Variants in OTUD6B observed in about 807,000 individuals in gnomAD.
OTUD6B encodes OTU deubiquitinase 6B.
OTUD6B carries 41 observed loss-of-function variants against 36.9 expected under a neutral mutation model. The observed-to-expected ratio is 1.11, with a 90% CI of 0.87 to 1.44. OTUD6B has a LOEUF of 1.44. Among genes scored for constraint, OTUD6B ranks in the 40% most tolerant of loss-of-function variants. The probability of loss-of-function intolerance (pLI) is 0.00; values close to 1 mark genes in which losing one functional copy is unlikely to be tolerated. For missense variants in OTUD6B, 356 were observed against 344.8 expected (o/e 1.03, Z -0.26); for synonymous variants, 114 against 114.2 (o/e 1.00, Z 0.01).
chr8:91,082,257 T>A, intron 5 of OTUD6B, among the ~76,000 whole-genome samples: 1 of 152,184 alleles, frequency 6.6e-6, no homozygotes. Context: ...GCTTTCCATA[T>A]TTTTGAAGTA....
Position 91,084,377 on chromosome 8 carries a change from C to T in OTUD6B, c.797+263C>T, listed in dbSNP as rs184891005. Among the ~76,000 whole-genome samples, 291 of 152,114 alleles carry T rather than the reference C, an allele frequency of 1.9e-3. 1 individual carries two copies. The highest frequency in any genetic ancestry group is 6.7e-3 in the African/African-American group (280 of 41,528). Reference sequence around the variant, plus strand: ...TAAAAGTTGAAATACATTCATGTTGCCTGTTTATTCCTTAGATTTATTTTT... The same window carrying T: ...TAAAAGTTGAAATACATTCATGTTGTCTGTTTATTCCTTAGATTTATTTTT... On this transcript the variant is annotated intron_variant, in intron 6 of 6. Coordinates refer to ENST00000404789, the MANE Select transcript of OTUD6B (RefSeq NM_016023.5).
At chr8:91,080,273 C>G (rs1266402702) in intron 4 of OTUD6B, among the ~76,000 whole-genome samples, 3 of 152,082 alleles carry the variant, frequency 2.0e-5, no homozygotes, top group Non-Finnish European at 4.4e-5. Context: ...CCTGATTATA[C>G]AGGAACTACA....
chr8:91,076,789 C>T lies in OTUD6B; in HGVS notation c.316-1567C>T, dbSNP rs1812810631. ...TTTAGTCTTTTATAAAGTAATAGTG[C>T]CATCTTGTGTTTTAAGATATTATGC... On this transcript the variant is annotated intron_variant, in intron 3 of 6. Coordinates refer to ENST00000404789, the MANE Select transcript of OTUD6B (RefSeq NM_016023.5). 7 of 709,234 alleles carry T rather than the reference C, an allele frequency of 9.9e-6. No individual in the cohort carries two copies. In the East Asian group the frequency reaches 1.3e-4, roughly 14 times the overall value. 43.9% of individuals were successfully genotyped at this position (709,234 alleles called of 1,614,324 possible).
chr8:91,073,785 A>G (rs1812748425), intron 2 of OTUD6B, 46 bp from the exon 3 acceptor site: 1 of 1,491,076 alleles, frequency 6.7e-7, no homozygotes, highest in Non-Finnish European at 9.0e-7. Context: ...GATTTTCAGT[A>G]ATTTAATAAG....
chr8:91,073,362 T>C (rs1812733684), intron 2 of OTUD6B, among the ~76,000 whole-genome samples: 1 of 151,934 alleles, frequency 6.6e-6, no homozygotes, highest in African/African-American at 2.4e-5. Flanking sequence ...TGGAAAAGGG[T>C]AGGGTAGGAA....
intron 5 of OTUD6B, among the ~76,000 whole-genome samples, chr8:91,083,292 T>C (rs1024591921): frequency 6.6e-6 from 1 of 152,158 alleles, no homozygotes; most frequent in African/African-American, 2.4e-5. Context: ...TTTTCTCACA[T>C]TGTAATTTAT....
Position 91,073,931 on chromosome 8 carries a change from A to G in OTUD6B, c.315+20A>G, listed in dbSNP as rs773133611. The G allele has an allele frequency of 7.9e-6, 12 of 1,527,726 alleles. No homozygotes were observed. The highest frequency in any genetic ancestry group is 9.8e-6 in the Non-Finnish European group (11 of 1,117,000). 94.6% of individuals were successfully genotyped at this position (1,527,726 alleles called of 1,614,324 possible). On this transcript the variant is annotated intron_variant, in intron 3 of 6. Transcript: ENST00000404789. ...AGACGGGTATGAAAGTCATGTCACC[A>G]AGTATATAAGTTAGTGCTGTGTGTT...
intron 4 of OTUD6B, 40 bp from the exon 5 acceptor site, chr8:91,080,629 A>G: frequency 6.4e-7 from 1 of 1,553,734 alleles, no homozygotes; most frequent in Non-Finnish European, 8.7e-7. Flanking sequence ...CATGAGTTAC[A>G]AAAATTATTA....
rs1258676070 is a variant in OTUD6B, at chr8:91,071,277, T to A, written c.222T>A (p.Thr74=). 6.2e-7 allele frequency: 1 copy of A among 1,610,310 alleles called. No homozygotes were observed. The highest frequency in any genetic ancestry group is 1.3e-5 in the African/African-American group (1 of 74,508). ...AACTGGAGCAATTGAAGCTGACTACTAAGGAGAATAAGGTATGTGAAATAA... is the reference window on the plus strand; with the variant it reads ...AACTGGAGCAATTGAAGCTGACTACAAAGGAGAATAAGGTATGTGAAATAA... ...REELEQLKLT[T]KENKIDSVAV... is the part of the protein sequence containing the mutation. The change falls in exon 2 of 7, where the codon ACT becomes ACA. Residue 74 remains threonine, a synonymous_variant. Coordinates refer to ENST00000404789, the MANE Select transcript of OTUD6B (RefSeq NM_016023.5).
chr8:91,082,878 T>A, intron 5 of OTUD6B, among the ~76,000 whole-genome samples: 1 of 151,398 alleles, frequency 6.6e-6, no homozygotes, highest in Non-Finnish European at 1.5e-5. Flanking sequence ...TGGTTAATTT[T>A]TGTATTTTTT....
chr8:91,076,349 G>T, intron 3 of OTUD6B: 1 of 534,000 alleles, frequency 1.9e-6, no homozygotes, highest in Non-Finnish European at 2.4e-6. Flanking sequence ...TAGTGCTCTT[G>T]GGAAACTATA....
At chr8:91,080,559 ATGT>A in intron 4 of OTUD6B, 107 bp from the exon 5 acceptor site, 1 of 1,475,538 alleles carries the variant, frequency 6.8e-7, no homozygotes. Context: ...GAGAAGGAGA[ATGT>A]TCATAACTTG....
chr8:91,084,763 TC>T lies in OTUD6B; in HGVS notation c.798-20del. 6.8e-7 allele frequency: 1 copy of T among 1,471,024 alleles called. No homozygotes were observed. The highest frequency in any genetic ancestry group is 9.1e-7 in the Non-Finnish European group (1 of 1,093,660). The allele number at this position is 1,471,024 out of a possible 1,614,324, so 91.1% of individuals were successfully genotyped here. The stretch of plus-strand genomic sequence containing the variant: ...ATTGCTTTCATCAAAACTACTCATT[TC>T]TTTTTTTTTTTAATTTCAGATATAT... On this transcript the variant is annotated intron_variant, in intron 6 of 6. Coordinates refer to ENST00000404789, the MANE Select transcript of OTUD6B (RefSeq NM_016023.5).
chr8:91,074,845 TG>T (rs770210026), intron 3 of OTUD6B, among the ~76,000 whole-genome samples: 12 of 152,114 alleles, frequency 7.9e-5, no homozygotes, highest in Non-Finnish European at 1.5e-4. Context: ...TTTCATTTAC[TG>T]TTATACTTTG....
chr8:91,086,059 C>T lies in OTUD6B; in HGVS notation c.*1191C>T, dbSNP rs534470990. 1.3e-5 allele frequency: 2 copies of T among 152,136 alleles called. No homozygotes were observed. The highest frequency in any genetic ancestry group is 4.8e-5 in the African/African-American group (2 of 41,520). The allele number at this position is 152,136 out of a possible 1,614,324, so 9.4% of individuals were successfully genotyped here. ...TCTAGCTCAGATTTCAGGTTACTCACAACAGTATTCTTTCTAAGAGGATAT... is the reference window on the plus strand; with the variant it reads ...TCTAGCTCAGATTTCAGGTTACTCATAACAGTATTCTTTCTAAGAGGATAT... On this transcript the variant is annotated 3_prime_UTR_variant, in exon 7 of 7. Coordinates refer to ENST00000404789, the MANE Select transcript of OTUD6B (RefSeq NM_016023.5).
intron 2 of OTUD6B, among the ~76,000 whole-genome samples, chr8:91,072,594 C>T (rs1315965734): frequency 1.3e-5 from 2 of 152,178 alleles, no homozygotes. Flanking sequence ...GTCTAAATTT[C>T]TTTAACTTTG....
In OTUD6B at chr8:91,086,778, A is replaced by G. The variant is rs938550398; in HGVS notation, c.*1910A>G. The G allele has an allele frequency of 2.0e-5, 3 of 152,066 alleles. No homozygotes were observed. Among genetic ancestry groups the G allele is most frequent in the Admixed American group, 6.6e-5 (1 of 15,256 alleles). 9.4% of individuals were successfully genotyped at this position (152,066 alleles called of 1,614,324 possible). On this transcript the variant is annotated 3_prime_UTR_variant, in exon 7 of 7. Coordinates refer to ENST00000404789, the MANE Select transcript of OTUD6B (RefSeq NM_016023.5). ...TGTTCTTTCCTAAAACTTCAGATAA[A>G]TATCATTTTAGCTATAACCTAAAAA...
chr8:91,071,301 A>T lies in OTUD6B; in HGVS notation c.234+12A>T, dbSNP rs1484894971. 2 of 1,600,780 alleles carry T rather than the reference A, an allele frequency of 1.2e-6. No homozygotes were observed. The highest frequency in any genetic ancestry group is 4.5e-5 in the East Asian group (2 of 44,484). ...CTAAGGAGAATAAGGTATGTGAAAT[A>T]AATGTTTGTCGTTGCCTACACCATT... On this transcript the variant is annotated intron_variant, in intron 2 of 6. Transcript: ENST00000404789.
chr8:91,073,766 T>C, intron 2 of OTUD6B, 65 bp from the exon 3 acceptor site: 1 of 1,469,476 alleles, frequency 6.8e-7, no homozygotes, highest in Non-Finnish European at 9.2e-7. Context: ...TGGGATTAGA[T>C]ATATTTATGA....
Sources: gnomAD v4.1 joint callset for allele counts (sites outside exome capture counted in the v4.1 genomes callset) on GRCh38, gnomAD v4.1.1 for gene constraint, MANE v1.5 for transcripts, NCBI Gene and HGNC (gene_info 2026-07-23, HGNC 2026-07-21) for gene names.